The following PCLO variants were observed in gnomAD, a reference collection of about 807,000 sequenced individuals.
The protein encoded by PCLO is piccolo presynaptic cytomatrix protein.
Under a neutral mutation model 427.5 loss-of-function variants are expected in PCLO, and 82 were observed. The observed-to-expected ratio is 0.19, with a 90% CI of 0.16 to 0.23. The LOEUF (loss-of-function observed/expected upper bound fraction) is 0.23. PCLO is among the 10% of genes least tolerant of loss of function. PCLO has a pLI of 1.00. For missense variants in PCLO, 6,239 were observed against 6,115.9 expected (o/e 1.02, Z -0.67); for synonymous variants, 2,357 against 2,155.4 (o/e 1.09, Z -2.59).
intron 22 of PCLO, among the ~76,000 whole-genome samples, chr7:82,791,334 A>C (rs1052555884): frequency 1.3e-5 from 2 of 152,194 alleles, no homozygotes; most frequent in East Asian, 3.8e-4. Context: ...TTAGCATTCC[A>C]TAACACCAAC....
At chr7:83,014,209 A>C (rs975012291) in intron 3 of PCLO, among the ~76,000 whole-genome samples, 1 of 152,194 alleles carries the variant, frequency 6.6e-6, no homozygotes, top group Non-Finnish European at 1.5e-5. Flanking sequence ...CAAGTCAGTA[A>C]ATGAACAAAT....
intron 3 of PCLO, among the ~76,000 whole-genome samples, chr7:83,059,173 T>C (rs1789475662): frequency 6.7e-6 from 1 of 150,282 alleles, no homozygotes; most frequent in Non-Finnish European, 1.5e-5. Context: ...CTGATGTCAG[T>C]AGGAAACTTA....
Position 83,162,779 on chromosome 7 carries a change from C to T in PCLO, c.-187G>A. 1.4e-6 allele frequency: 1 copy of T among 693,536 alleles called. No individual in the cohort carries two copies. Among genetic ancestry groups the T allele is most frequent in the Non-Finnish European group, 2.3e-6 (1 of 433,190 alleles). The allele number at this position is 693,536 out of a possible 1,614,324, so 43.0% of individuals were successfully genotyped here. On this transcript the variant is annotated 5_prime_UTR_variant, in exon 1 of 25. Coordinates refer to ENST00000333891, the MANE Select transcript of PCLO (RefSeq NM_033026.6). ...AGGGGTTAGTCCCGCTCGCAGGTAA[C>T]GCCCGCTGCCGGTGCCTCCTCCATG...
In PCLO at chr7:82,757,678, G is replaced by T. The variant is rs1036298860; in HGVS notation, c.*897C>A. 1 of 151,988 alleles carries T rather than the reference G, an allele frequency of 6.6e-6. No individual in the cohort carries two copies. Among genetic ancestry groups the T allele is most frequent in the Admixed American group, 6.6e-5 (1 of 15,238 alleles). The allele number at this position is 151,988 out of a possible 1,614,324, so 9.4% of individuals were successfully genotyped here. A position where few individuals can be genotyped will look rare whatever the true frequency, so the allele number is the denominator to read the frequency against. On this transcript the variant is annotated 3_prime_UTR_variant, in exon 25 of 25. Coordinates refer to ENST00000333891, the MANE Select transcript of PCLO (RefSeq NM_033026.6). ...AGTTTCACAAAGAGTAAGTTATCAT[G>T]CTTCCTAGAACATATCAGTTTACTC...
At chr7:82,964,911 A>G (rs1795730485) in intron 4 of PCLO, among the ~76,000 whole-genome samples, 2 of 152,222 alleles carry the variant, frequency 1.3e-5, no homozygotes, top group East Asian at 3.9e-4. Context: ...GAAACAAACT[A>G]TAGTTTCTAG....
chr7:82,990,098 G>A (rs1394923441), intron 3 of PCLO, among the ~76,000 whole-genome samples: 1 of 152,124 alleles, frequency 6.6e-6, no homozygotes, highest in Admixed American at 6.6e-5. Flanking sequence ...CTAGGAAAAT[G>A]CCTCAATAGG....
At chr7:82,943,572 G>T (rs996677894) in intron 6 of PCLO, among the ~76,000 whole-genome samples, 1 of 152,112 alleles carries the variant, frequency 6.6e-6, no homozygotes, top group South Asian at 2.1e-4. Context: ...ACATTGCTAT[G>T]CAATAGATAA....
chr7:82,875,987 A>G (rs1793359973), intron 10 of PCLO, among the ~76,000 whole-genome samples: 1 of 152,068 alleles, frequency 6.6e-6, no homozygotes. Flanking sequence ...TTCATGTTCA[A>G]ATAAACTGTA....
intron 6 of PCLO, among the ~76,000 whole-genome samples, chr7:82,939,477 A>G (rs146046248): frequency 6.6e-6 from 1 of 151,956 alleles, no homozygotes; most frequent in East Asian, 1.9e-4. Context: ...ATTATCCCTT[A>G]GCCTAGAACA....
chr7:82,809,136 G>A (rs1791515936), intron 20 of PCLO, among the ~76,000 whole-genome samples: 1 of 151,796 alleles, frequency 6.6e-6, no homozygotes, highest in South Asian at 2.1e-4. Flanking sequence ...AACAAATAAA[G>A]TGTATTTAGG....
At chr7:82,914,294 A>G (rs962679133) in intron 7 of PCLO, 2 of 418,240 alleles carry the variant, frequency 4.8e-6, no homozygotes, top group Non-Finnish European at 8.4e-6. Context: ...ATAATTTCAG[A>G]AACTGAAACT....
chr7:82,944,539 T>A lies in PCLO; in HGVS notation c.11112+4937A>T, dbSNP rs560954311. On this transcript the variant is annotated intron_variant, in intron 6 of 24. Coordinates refer to ENST00000333891, the MANE Select transcript of PCLO (RefSeq NM_033026.6). ...AATAAAGAAGGCCATAGAGATAGAGTACTAATTTAAGACAGGTCAGTCAAG... is the reference window on the plus strand; with the variant it reads ...AATAAAGAAGGCCATAGAGATAGAGAACTAATTTAAGACAGGTCAGTCAAG... Among the ~76,000 whole-genome samples the A allele has an allele frequency of 9.9e-5, 15 of 150,758 alleles. No individual in the cohort carries two copies. The South Asian group carries it at 3.2e-3, about 32-fold the overall frequency.
intron 3 of PCLO, among the ~76,000 whole-genome samples, chr7:83,058,891 C>A (rs1011901071): frequency 6.6e-6 from 1 of 152,042 alleles, no homozygotes; most frequent in East Asian, 1.9e-4. Flanking sequence ...CATTATTCAA[C>A]ATAAGCAATG....
intron 6 of PCLO, among the ~76,000 whole-genome samples, chr7:82,935,580 AAAGAT>A (rs1446612858): frequency 1.3e-5 from 2 of 151,742 alleles, no homozygotes; most frequent in East Asian, 3.9e-4. Flanking sequence ...ATGTCTACAC[AAAGAT>A]AAGTTTAATA....
At chr7:82,789,012 A>T (rs1210350159) in intron 22 of PCLO, among the ~76,000 whole-genome samples, 1 of 152,062 alleles carries the variant, frequency 6.6e-6, no homozygotes, top group East Asian at 1.9e-4. Flanking sequence ...TTTTAGTGGA[A>T]TATTTTATTT....
rs201525533 is a variant in PCLO at position 82,916,814 on chromosome 7, C to T, written c.11172G>A (p.Leu3724=). The change falls in exon 7 of 25, where the codon CTG becomes CTA. Residue 3724 remains leucine (L), a synonymous_variant. Coordinates refer to ENST00000333891, the MANE Select transcript of PCLO (RefSeq NM_033026.6). ...SGAQKKVKRT[L]PNPPPEEIST... ...AAATCTCCTCAGGAGGTGGATTTGG[C>T]AGAGTTCTTTTAACTTTTTTCTGGG... 3.0e-4 allele frequency: 488 copies of T among 1,613,486 alleles called. No homozygotes were observed. The African/African-American group carries it at 6.1e-3, about 20-fold the overall frequency.
intron 22 of PCLO, among the ~76,000 whole-genome samples, chr7:82,792,293 T>C (rs894163366): frequency 1.3e-5 from 2 of 152,206 alleles, no homozygotes; most frequent in East Asian, 1.9e-4. Context: ...TGCTTGTTTT[T>C]CATTTCTTCA....
intron 3 of PCLO, among the ~76,000 whole-genome samples, chr7:82,994,049 T>A (rs1796439270): frequency 6.6e-6 from 1 of 152,088 alleles, no homozygotes. Context: ...AATTAGGGCA[T>A]TTAAAATATC....
intron 20 of PCLO, among the ~76,000 whole-genome samples, chr7:82,816,027 G>T (rs986646582): frequency 6.6e-6 from 1 of 151,912 alleles, no homozygotes; most frequent in Non-Finnish European, 1.5e-5. Context: ...GCTTTTTAGT[G>T]ATTCATTATA....
Sources: gnomAD v4.1 joint callset for allele counts (sites outside exome capture counted in the v4.1 genomes callset) on GRCh38, gnomAD v4.1.1 for gene constraint, MANE v1.5 for transcripts, NCBI Gene and HGNC (gene_info 2026-07-23, HGNC 2026-07-21) for gene names.